SYT14: variants seen among roughly 807,000 people sequenced by gnomAD.
The protein encoded by SYT14 is synaptotagmin 14.
SYT14 carries 32 observed loss-of-function variants against 74.2 expected under a neutral mutation model. That is an observed-to-expected ratio of 0.43 (90% confidence interval 0.33 to 0.58). The LOEUF is 0.58. Among genes scored for constraint, SYT14 ranks in the 20% least tolerant of loss-of-function variants. The probability of loss-of-function intolerance (pLI) is 0.05; values close to 1 mark genes in which losing one functional copy is unlikely to be tolerated. For missense variants in SYT14, 791 were observed against 981.8 expected (o/e 0.81, Z 2.60); for synonymous variants, 298 against 337.7 (o/e 0.88, Z 1.29).
intron 5 of SYT14, among the ~76,000 whole-genome samples, chr1:210,051,097 T>A (rs1255267902): frequency 6.6e-6 from 1 of 152,252 alleles, no homozygotes; most frequent in Non-Finnish European, 1.5e-5. Flanking sequence ...CTCTTATTTC[T>A]CTTTTCTGTA....
intron 4 of SYT14, among the ~76,000 whole-genome samples, chr1:210,019,637 G>A (rs1214582371): frequency 1.1e-4 from 17 of 152,156 alleles, no homozygotes; most frequent in Non-Finnish European, 1.5e-5. Context: ...TAGACTAGAT[G>A]ACATATAACC....
At chr1:210,060,406 G>T (rs925119194) in intron 5 of SYT14, among the ~76,000 whole-genome samples, 3 of 152,074 alleles carry the variant, frequency 2.0e-5, no homozygotes, top group Non-Finnish European at 4.4e-5. Flanking sequence ...CTGGTATGCG[G>T]TTTATATTCT....
chr1:210,170,765 A>G (rs1343922557), exon 10 of SYT14: 2 of 152,152 alleles, frequency 1.3e-5, no homozygotes, highest in Non-Finnish European at 2.9e-5. Flanking sequence ...ATATATGTAC[A>G]TGTTATTTAG....
chr1:210,090,438 T>C (rs931180487), intron 5 of SYT14, among the ~76,000 whole-genome samples: 6 of 152,072 alleles, frequency 3.9e-5, no homozygotes, highest in African/African-American at 1.4e-4. Flanking sequence ...TTCTCACCAC[T>C]GTTTTAAAAG....
At chr1:210,169,835 C>T (rs1055728354) in exon 10 of SYT14, 1 of 152,148 alleles carries the variant, frequency 6.6e-6, no homozygotes, top group Non-Finnish European at 1.5e-5. Flanking sequence ...GATCAATACT[C>T]TTGCATTGTA....
intron 5 of SYT14, among the ~76,000 whole-genome samples, chr1:210,060,947 T>C (rs1019659325): frequency 3.9e-5 from 6 of 152,088 alleles, no homozygotes; most frequent in Admixed American, 1.3e-4. Flanking sequence ...ACATCTTTGA[T>C]TTATCTACTC....
At chr1:209,991,586 G>A (rs780686026) in intron 2 of SYT14, among the ~76,000 whole-genome samples, 6 of 152,208 alleles carry the variant, frequency 3.9e-5, no homozygotes, top group Middle Eastern at 3.4e-3. Flanking sequence ...AGGAGATACC[G>A]TCTTACACCA....
chr1:210,110,318 C>T (rs1438341521), intron 7 of SYT14, among the ~76,000 whole-genome samples: 2 of 151,958 alleles, frequency 1.3e-5, no homozygotes, highest in African/African-American at 4.8e-5. Flanking sequence ...CCTCAAGGAA[C>T]AAAGAAGAAA....
intron 5 of SYT14, among the ~76,000 whole-genome samples, chr1:210,077,464 A>G (rs1437309377): frequency 6.6e-6 from 1 of 152,234 alleles, no homozygotes; most frequent in Non-Finnish European, 1.5e-5. Flanking sequence ...GTATAGATGT[A>G]CCACATTTTG....
intron 2 of SYT14, among the ~76,000 whole-genome samples, chr1:209,962,701 G>A (rs997236371): frequency 2.6e-5 from 4 of 152,052 alleles, no homozygotes; most frequent in Non-Finnish European, 4.4e-5. Flanking sequence ...CAGACCCCCA[G>A]TCTTTGAAGG....
intron 5 of SYT14, among the ~76,000 whole-genome samples, chr1:210,083,574 A>T (rs561845203): frequency 6.9e-6 from 1 of 144,134 alleles, no homozygotes; most frequent in Non-Finnish European, 1.5e-5. Flanking sequence ...CTAATTTTCA[A>T]TTTTTTTTTT....
intron 7 of SYT14, among the ~76,000 whole-genome samples, chr1:210,110,907 G>A (rs993632425): frequency 1.7e-4 from 26 of 152,226 alleles, no homozygotes; most frequent in African/African-American, 6.0e-4. Flanking sequence ...ACCACACCCA[G>A]CTAACTTTGT....
At chr1:210,077,160 G>A (rs1286983821) in intron 5 of SYT14, among the ~76,000 whole-genome samples, 1 of 152,110 alleles carries the variant, frequency 6.6e-6, no homozygotes, top group African/African-American at 2.4e-5. Flanking sequence ...CTTCTGGGGA[G>A]GCTTCAGGGA....
Position 210,013,262 on chromosome 1 carries a change from G to A in SYT14, c.-485-371G>A, listed in dbSNP as rs181255613. 5.4e-3 allele frequency among the ~76,000 whole-genome samples: 819 copies of A among 151,984 alleles called. 4 individuals carry two copies. Among genetic ancestry groups the A allele is most frequent in the African/African-American group, 0.018 (751 of 41,456 alleles). ...ATTTTTGCATTTTTAGTAGAGACAG[G>A]GTTTCACCATATTGGCCAGGCTCGT... On this transcript the variant is annotated intron_variant, in intron 2 of 9. Coordinates refer to ENST00000637265, the Ensembl canonical transcript of SYT14.
At chr1:210,156,752 A>AGCATGATC (rs1234905358) in intron 8 of SYT14, 1 of 142,172 alleles carries the variant, frequency 7.0e-6, no homozygotes, top group East Asian at 2.1e-4. Context: ...GGAGTGCAAT[A>AGCATGATC]GCATGATCTC....
At chr1:210,004,798 C>G (rs1345105171) in intron 2 of SYT14, among the ~76,000 whole-genome samples, 1 of 151,976 alleles carries the variant, frequency 6.6e-6, no homozygotes, top group East Asian at 1.9e-4. Context: ...TTTCTCAAAG[C>G]TTTTAGAGTA....
chr1:209,978,613 C>T (rs2079416402), intron 2 of SYT14, among the ~76,000 whole-genome samples: 1 of 152,202 alleles, frequency 6.6e-6, no homozygotes, highest in Admixed American at 6.5e-5. Flanking sequence ...CAGTCTGCCC[C>T]TACTGGGGGG....
At chr1:210,087,613 G>A (rs117140609) in intron 5 of SYT14, among the ~76,000 whole-genome samples, 1 of 152,158 alleles carries the variant, frequency 6.6e-6, no homozygotes, top group East Asian at 1.9e-4. Flanking sequence ...CTGCCCCCAT[G>A]TATGTGTGAT....
intron 5 of SYT14, among the ~76,000 whole-genome samples, chr1:210,045,289 C>T (rs1482709452): frequency 2.6e-5 from 4 of 152,056 alleles, no homozygotes; most frequent in African/African-American, 9.7e-5. Context: ...GTGCTAAATA[C>T]AAAGTAAATG....
Sources: allele counts gnomAD v4.1 joint callset (sites outside exome capture counted in the v4.1 genomes callset), GRCh38; gene constraint gnomAD v4.1.1; transcripts MANE v1.5; gene names NCBI Gene and HGNC (gene_info 2026-07-23, HGNC 2026-07-21).